The following TUBD1 variants were observed in gnomAD, a reference collection of about 807,000 sequenced individuals.
TUBD1 encodes the protein tubulin delta 1.
In TUBD1, 38 loss-of-function variants were observed where a neutral mutation model predicts 51.2. The ratio of observed to expected loss-of-function variants is 0.74; its 90% CI spans 0.57 to 0.97. TUBD1 has a LOEUF of 0.97. Ranked by LOEUF, TUBD1 falls within the 50% of genes least tolerant of loss-of-function variation. The pLI, the probability that TUBD1 is intolerant of heterozygous loss-of-function variation, is 0.00. For synonymous variants in TUBD1, 169 were observed against 178.2 expected (o/e 0.95, Z 0.41); for missense variants, 489 against 538.4 (o/e 0.91, Z 0.91).
At chr17:59,861,430 C>T (rs1026588585) in intron 8 of TUBD1, among the ~76,000 whole-genome samples, 2 of 151,818 alleles carry the variant, frequency 1.3e-5, no homozygotes, top group African/African-American at 4.8e-5. Flanking sequence ...AATTCCTGGC[C>T]TCAAGTGATC....
At chr17:59,870,579 G>A (rs1466653006) in intron 6 of TUBD1, among the ~76,000 whole-genome samples, 5 of 152,070 alleles carry the variant, frequency 3.3e-5, no homozygotes, top group African/African-American at 1.2e-4. Context: ...GCACAGCCCT[G>A]TAGAGAACCT....
chr17:59,866,231 C>CT lies in TUBD1; in HGVS notation c.1075+377dup, dbSNP rs544961480. Among the ~76,000 whole-genome samples, 569 of 132,158 alleles carry CT rather than the reference C, an allele frequency of 4.3e-3. 3 individuals carry two copies. The highest frequency in any genetic ancestry group is 9.3e-3 in the South Asian group (36 of 3,854). 86.7% of individuals were successfully genotyped at this position (132,158 alleles called of 152,430 possible). ...GCAGCCAGATGTTCAGAAAACAATT[C>CT]TTTTTTTTTTTTTTTTTAATAGAGA... is the stretch of plus-strand genomic sequence containing the variant. On this transcript the variant is annotated intron_variant, in intron 7 of 8. Transcript: ENST00000325752.
At chr17:59,870,904 C>A (rs142783002) in intron 6 of TUBD1, among the ~76,000 whole-genome samples, 123 of 152,246 alleles carry the variant, frequency 8.1e-4, no homozygotes, top group Non-Finnish European at 1.5e-3. Flanking sequence ...TCCAAAGATG[C>A]AACAGTAAAC....
At chr17:59,880,744 G>C (rs2040447517) in intron 4 of TUBD1, 150 bp downstream of exon 4, 2 of 679,268 alleles carry the variant, frequency 2.9e-6, no homozygotes, top group Non-Finnish European at 5.1e-6. Flanking sequence ...TCGATATCCT[G>C]ACCTCACGAT....
At position 59,890,950 on chromosome 17, in the gene TUBD1, TC is replaced by T; in HGVS notation, c.52del (p.Glu18LysfsTer19). The T allele has an allele frequency of 6.2e-7, 1 of 1,613,790 alleles. No individual in the cohort carries two copies. ...LGQCGNQIGF[E>X]VFDALLSDSH... ...GTCACTAAGCAAAGCATCAAAAACT[TC>T]AAAACCAATCTGATTGCCACACTGA... On this transcript the variant is annotated frameshift_variant, in exon 2 of 9. Transcript: ENST00000325752. LOFTEE classifies it high-confidence loss of function.
intron 7 of TUBD1, among the ~76,000 whole-genome samples, chr17:59,865,767 T>TC (rs1354522541): frequency 6.6e-6 from 1 of 152,040 alleles, no homozygotes; most frequent in African/African-American, 2.4e-5. Context: ...CAGAACTCAG[T>TC]ACCAGTCAAT....
intron 8 of TUBD1, among the ~76,000 whole-genome samples, chr17:59,861,106 G>C (rs2039421916): frequency 6.6e-6 from 1 of 151,886 alleles, no homozygotes; most frequent in South Asian, 2.1e-4. Context: ...TCCAGTTCTA[G>C]GAATGGAGTG....
intron 6 of TUBD1, among the ~76,000 whole-genome samples, chr17:59,868,385 G>C (rs1260769930): frequency 6.6e-6 from 1 of 151,466 alleles, no homozygotes; most frequent in Non-Finnish European, 1.5e-5. Flanking sequence ...TACTGATGGT[G>C]AGAGAAATAG....
chr17:59,890,307 G>A (rs973124561), intron 2 of TUBD1, among the ~76,000 whole-genome samples: 3 of 152,044 alleles, frequency 2.0e-5, no homozygotes, highest in Non-Finnish European at 2.9e-5. Context: ...GCAGTGGTGC[G>A]GTCTCGGCTC....
intron 6 of TUBD1, among the ~76,000 whole-genome samples, chr17:59,870,276 G>A (rs1020961804): frequency 2.7e-5 from 4 of 146,108 alleles, no homozygotes; most frequent in South Asian, 4.4e-4. Flanking sequence ...TTCCGACTAA[G>A]GTGGGAGGAT....
intron 6 of TUBD1, among the ~76,000 whole-genome samples, chr17:59,869,432 G>A (rs1336802523): frequency 1.3e-5 from 2 of 150,680 alleles, no homozygotes; most frequent in Non-Finnish European, 3.0e-5. Context: ...CCAAGATCGC[G>A]CCACTGCACT....
At chr17:59,866,808 G>C in intron 6 of TUBD1, 59 bp from the exon 7 acceptor site, 1 of 1,423,484 alleles carries the variant, frequency 7.0e-7, no homozygotes. Flanking sequence ...TTTTGAGATG[G>C]AGTCTCACTC....
chr17:59,890,828 T>TAC lies in TUBD1; in HGVS notation c.172+1_172+2dup. On this transcript the variant is annotated splice_region_variant and intron_variant, in intron 2 of 8. Coordinates refer to ENST00000325752, the MANE Select transcript of TUBD1 (RefSeq NM_016261.4). ...AAAGGAGAGGACTGTGGGCCACACC[T>TAC]ACCTCCATTCTCCTCCTCACTGAAG... is the stretch of plus-strand genomic sequence containing the variant. 1 of 1,608,124 alleles carries TAC rather than the reference T, an allele frequency of 6.2e-7. No individual in the cohort carries two copies. The highest frequency in any genetic ancestry group is 8.5e-7 in the Non-Finnish European group (1 of 1,177,200).
At chr17:59,869,107 T>C (rs1245029142) in intron 6 of TUBD1, among the ~76,000 whole-genome samples, 1 of 151,902 alleles carries the variant, frequency 6.6e-6, no homozygotes, top group Non-Finnish European at 1.5e-5. Context: ...GTGCCATATA[T>C]ATATATTTAT....
intron 7 of TUBD1, 36 bp from the exon 8 acceptor site, chr17:59,863,883 C>T (rs751666088): frequency 5.0e-5 from 69 of 1,370,322 alleles, no homozygotes; most frequent in Non-Finnish European, 6.3e-5. Context: ...CTTTTTATAG[C>T]ATAAATTAGT....
At chr17:59,890,114 CAAGAAA>C (rs2040930330) in intron 2 of TUBD1, among the ~76,000 whole-genome samples, 1 of 151,668 alleles carries the variant, frequency 6.6e-6, no homozygotes, top group Non-Finnish European at 1.5e-5. Flanking sequence ...CCTGTCTCTA[CAAGAAA>C]AAGAAAAAAA....
chr17:59,885,011 G>A (rs2040654493), intron 3 of TUBD1: 1 of 290,114 alleles, frequency 3.4e-6, no homozygotes, highest in Non-Finnish European at 6.7e-6. Flanking sequence ...ATGTGAAGGT[G>A]AAGATGGCAG....
Position 59,886,358 on chromosome 17 carries a change from A to G in TUBD1, c.173-128T>C, listed in dbSNP as rs1315714160. 1.8e-5 allele frequency: 18 copies of G among 993,330 alleles called. No individual in the cohort carries two copies. The East Asian group carries it at 4.7e-4, about 26-fold the overall frequency. 61.5% of individuals were successfully genotyped at this position (993,330 alleles called of 1,614,324 possible). A position where few individuals can be genotyped will look rare whatever the true frequency, so the allele number is the denominator to read the frequency against. ...AAAAAATTCCAGGGGTTGTGGTTAG[A>G]AAGATCTGTCGTACTGCTTAGAAAT... On this transcript the variant is annotated intron_variant, in intron 2 of 8. Coordinates refer to ENST00000325752, the MANE Select transcript of TUBD1 (RefSeq NM_016261.4).
rs1484961390 is a variant in TUBD1 at position 59,878,025 on chromosome 17, G to C, written c.769+78C>G. On this transcript the variant is annotated intron_variant, in intron 5 of 8. Transcript: ENST00000325752. ...GACTTAAGTGTATCTTCAGGCAGAG[G>C]AGGAGACAGAAAGAATAAACTTTGA... 16 of 1,118,358 alleles carry C rather than the reference G, an allele frequency of 1.4e-5. No individual in the cohort carries two copies. In the South Asian group the frequency reaches 2.3e-4, roughly 16 times the overall value. 69.3% of individuals were successfully genotyped at this position (1,118,358 alleles called of 1,614,324 possible).
Sources: allele counts gnomAD v4.1 joint callset (sites outside exome capture counted in the v4.1 genomes callset), GRCh38; gene constraint gnomAD v4.1.1; transcripts MANE v1.5; gene names NCBI Gene and HGNC (gene_info 2026-07-23, HGNC 2026-07-21).